SLC35D1: variants seen among roughly 807,000 people sequenced by gnomAD.
SLC35D1 encodes nucleotide sugar transporter SLC35D1.
In SLC35D1, 31 loss-of-function variants were observed where a neutral mutation model predicts 46.7. The observed-to-expected ratio is 0.66, with a 90% confidence interval of 0.50 to 0.90. The LOEUF is 0.90. SLC35D1 is among the 40% of genes least tolerant of loss of function. SLC35D1 has a pLI of 0.00. For missense variants in SLC35D1, 397 were observed against 426.2 expected, an observed-to-expected ratio of 0.93 and a Z score of 0.60; for synonymous variants, 195 against 164.6, an observed-to-expected ratio of 1.18 and a Z score of -1.41.
At chr1:67,032,613 A>T (rs1374260672) in intron 8 of SLC35D1, among the ~76,000 whole-genome samples, 1 of 152,100 alleles carries the variant, frequency 6.6e-6, no homozygotes, top group African/African-American at 2.4e-5. Context: ...CCCAGGAGGC[A>T]GAGGTTGCAG....
the SLC35D1 span, among the ~76,000 whole-genome samples, chr1:66,978,206 A>AT: frequency 3.4e-5 from 5 of 147,792 alleles, no homozygotes; most frequent in African/African-American, 1.2e-4. Context: ...CAAAAAAAAA[A>AT]AAAAAAGATG....
At chr1:67,051,059 T>C (rs1197965609) in intron 4 of SLC35D1, among the ~76,000 whole-genome samples, 1 of 151,324 alleles carries the variant, frequency 6.6e-6, no homozygotes, top group Non-Finnish European at 1.5e-5. Flanking sequence ...GAATGAATGG[T>C]TGGATGAGAT....
At chr1:66,977,426 A>G in the SLC35D1 span, among the ~76,000 whole-genome samples, 2 of 152,062 alleles carry the variant, frequency 1.3e-5, no homozygotes, top group Non-Finnish European at 2.9e-5. Context: ...TTTTTTATAG[A>G]GGAAAAAAAA....
chr1:66,994,305 A>G, the SLC35D1 span, among the ~76,000 whole-genome samples: 9 of 152,296 alleles, frequency 5.9e-5, no homozygotes, highest in Admixed American at 5.2e-4. Flanking sequence ...TGATCCAGAG[A>G]GAAGCTGAAC....
intron 8 of SLC35D1, among the ~76,000 whole-genome samples, chr1:67,028,568 C>A (rs1048588890): frequency 6.6e-6 from 1 of 152,034 alleles, no homozygotes; most frequent in African/African-American, 2.4e-5. Flanking sequence ...AGGAATTAAC[C>A]CATTTTATCA....
intron 8 of SLC35D1, 129 bp from the exon 9 acceptor site, chr1:67,021,731 A>C: frequency 1.5e-6 from 1 of 682,676 alleles, no homozygotes. Context: ...ACAGACACAC[A>C]CACACACACA....
Position 67,054,049 on chromosome 1 carries a change from T to G in SLC35D1, c.-36A>C, listed in dbSNP as rs755977211. On this transcript the variant is annotated 5_prime_UTR_variant, in exon 1 of 12. Coordinates refer to ENST00000235345, the MANE Select transcript of SLC35D1 (RefSeq NM_015139.3). ...GCAGCGGTGGCCTGGCGGCGGGGCC[T>G]AGCGGCTCGGGGGCCTGCAGCGGCA... 10 of 1,601,394 alleles carry G rather than the reference T, an allele frequency of 6.2e-6. No individual in the cohort carries two copies. The highest frequency in any genetic ancestry group is 7.7e-6 in the Non-Finnish European group (9 of 1,173,090).
In SLC35D1 at chr1:66,999,917, C is replaced by T. The variant is rs1023717163; in HGVS notation, c.*4423G>A. The T allele has an allele frequency of 2.0e-5, 3 of 152,074 alleles. No individual in the cohort carries two copies. The highest frequency in any genetic ancestry group is 4.8e-5 in the African/African-American group (2 of 41,392). The allele number at this position is 152,074 out of a possible 1,614,324, so 9.4% of individuals were successfully genotyped here. A position where few individuals can be genotyped will look rare whatever the true frequency, so the allele number is the denominator to read the frequency against. On this transcript the variant is annotated 3_prime_UTR_variant, in exon 12 of 12. Transcript: ENST00000235345. Reference sequence around the variant, plus strand: ...TCCAGGAGCCATCTAAAGGTAAAAACTGAGAAAGATTTAACTGAATTGACA... The same window carrying T: ...TCCAGGAGCCATCTAAAGGTAAAAATTGAGAAAGATTTAACTGAATTGACA...
chr1:66,995,180 T>A (rs951002876), downstream of SLC35D1, among the ~76,000 whole-genome samples: 1 of 151,968 alleles, frequency 6.6e-6, no homozygotes, highest in African/African-American at 2.4e-5. Context: ...AGTGCAAATC[T>A]CATCTGTAGT....
chr1:66,984,592 G>A, the SLC35D1 span: 1 of 1,603,672 alleles, frequency 6.2e-7, no homozygotes, highest in Admixed American at 1.7e-5. Flanking sequence ...TAATGGACCA[G>A]GTGAAATATT....
chr1:67,025,111 T>C (rs543016383), intron 8 of SLC35D1, among the ~76,000 whole-genome samples: 3 of 152,280 alleles, frequency 2.0e-5, no homozygotes, highest in South Asian at 2.1e-4. Context: ...TACTCCCGTA[T>C]GACCTGATCC....
In SLC35D1 at chr1:67,044,394, T is replaced by C. The variant is rs1645228297; in HGVS notation, c.637-2066A>G. ...ATTAGATGATTAGACTATAACTAGC[T>C]ATACAATGAAACATTACACAGCCAC... On this transcript the variant is annotated intron_variant, in intron 7 of 11. Transcript: ENST00000235345. Among the ~76,000 whole-genome samples, 6 of 150,682 alleles carry C rather than the reference T, an allele frequency of 4.0e-5. No homozygotes were observed. In the South Asian group the frequency reaches 1.2e-3, roughly 31 times the overall value.
intron 10 of SLC35D1, among the ~76,000 whole-genome samples, chr1:67,010,314 C>A (rs896412547): frequency 6.6e-6 from 1 of 152,174 alleles, no homozygotes; most frequent in African/African-American, 2.4e-5. Flanking sequence ...AACAAACCTG[C>A]ACATGCACCC....
chr1:66,978,178 A>G, the SLC35D1 span, among the ~76,000 whole-genome samples: 1 of 150,590 alleles, frequency 6.6e-6, no homozygotes, highest in African/African-American at 2.4e-5. Context: ...CCTGGGCAAC[A>G]GAGCGAAACT....
chr1:67,030,296 A>C (rs995485291), intron 8 of SLC35D1, among the ~76,000 whole-genome samples: 1 of 152,214 alleles, frequency 6.6e-6, no homozygotes, highest in African/African-American at 2.4e-5. Context: ...TAAAACACAT[A>C]AAAGAAATCT....
the SLC35D1 span, among the ~76,000 whole-genome samples, chr1:66,982,308 A>C: frequency 1.3e-5 from 2 of 152,148 alleles, no homozygotes; most frequent in Admixed American, 1.3e-4. Context: ...GTAAGGTAAC[A>C]AGTGCACTGT....
chr1:67,007,589 A>G (rs371250621), intron 11 of SLC35D1, among the ~76,000 whole-genome samples: 1 of 152,256 alleles, frequency 6.6e-6, no homozygotes, highest in African/African-American at 2.4e-5. Flanking sequence ...ATCATTATCA[A>G]ATATAGATTT....
At chr1:67,028,096 G>A (rs1043356539) in intron 8 of SLC35D1, among the ~76,000 whole-genome samples, 4 of 150,816 alleles carry the variant, frequency 2.7e-5, no homozygotes, top group African/African-American at 9.9e-5. Flanking sequence ...ATTTTTCTTT[G>A]TCTATGAATT....
In SLC35D1 at chr1:67,054,060, G is replaced by A. The variant is rs768366496; in HGVS notation, c.-47C>T. ...CTGGCGGCGGGGCCTAGCGGCTCGG[G>A]GGCCTGCAGCGGCAGCTCCCAGGGG... On this transcript the variant is annotated 5_prime_UTR_variant, in exon 1 of 12. Coordinates refer to ENST00000235345, the MANE Select transcript of SLC35D1 (RefSeq NM_015139.3). The A allele has an allele frequency of 6.3e-7, 1 of 1,593,540 alleles. No homozygotes were observed. The highest frequency in any genetic ancestry group is 1.7e-5 in the Admixed American group (1 of 58,988).
Sources: allele counts gnomAD v4.1 joint callset (sites outside exome capture counted in the v4.1 genomes callset), GRCh38; gene constraint gnomAD v4.1.1; transcripts MANE v1.5; gene names NCBI Gene and HGNC (gene_info 2026-07-23, HGNC 2026-07-21).